FIG4: variants seen among roughly 807,000 people sequenced by gnomAD.
FIG4 encodes the protein FIG4 phosphoinositide 5-phosphatase.
FIG4 carries 112 observed loss-of-function variants against 118.6 expected under a neutral mutation model. The ratio of observed to expected loss-of-function variants is 0.94; its 90% CI spans 0.81 to 1.11. FIG4 has a LOEUF of 1.11. Among genes scored for constraint, FIG4 ranks in the 50% least tolerant of loss-of-function variants. The pLI is 0.00. For synonymous variants in FIG4, 369 were observed against 381.2 expected (o/e 0.97, Z 0.37); for missense variants, 969 against 1,111.7 (o/e 0.87, Z 1.83).
intron 22 of FIG4, among the ~76,000 whole-genome samples, chr6:109,816,458 G>A (rs549271493): frequency 1.3e-5 from 2 of 152,308 alleles, no homozygotes; most frequent in African/African-American, 4.8e-5. Flanking sequence ...ATGGGATCCT[G>A]GGACAGTAAA....
At chr6:109,817,784 C>T (rs939781192) in intron 22 of FIG4, among the ~76,000 whole-genome samples, 5 of 152,164 alleles carry the variant, frequency 3.3e-5, no homozygotes, top group East Asian at 1.9e-4. Flanking sequence ...GGTCTCCTGG[C>T]GGCCTGGGAG....
chr6:109,795,741 A>G (rs1778268452), intron 21 of FIG4, among the ~76,000 whole-genome samples: 2 of 151,664 alleles, frequency 1.3e-5, no homozygotes, highest in African/African-American at 4.8e-5. Context: ...AGCTCGGACT[A>G]CAGGTGCATG....
chr6:109,716,216 G>A (rs1775426151), intron 2 of FIG4, among the ~76,000 whole-genome samples: 1 of 152,092 alleles, frequency 6.6e-6, no homozygotes, highest in Non-Finnish European at 1.5e-5. Context: ...TAGAGTATAA[G>A]GTTTGGACAT....
chr6:109,788,052 G>A (rs1281850549), intron 18 of FIG4, among the ~76,000 whole-genome samples: 1 of 152,102 alleles, frequency 6.6e-6, no homozygotes, highest in South Asian at 2.1e-4. Context: ...AACAGGCTTT[G>A]TGTTAGATGA....
At position 109,701,348 on chromosome 6, in the gene FIG4, C is replaced by G. The variant is rs3799843; in HGVS notation, c.66+9847C>G. 9.2e-5 allele frequency among the ~76,000 whole-genome samples: 14 copies of G among 152,318 alleles called. No individual in the cohort carries two copies. In the East Asian group the frequency reaches 1.9e-3, roughly 21 times the overall value. On this transcript the variant is annotated intron_variant, in intron 1 of 22. Coordinates refer to ENST00000230124, the MANE Select transcript of FIG4 (RefSeq NM_014845.6). ...CTAACAGTCATACAGCCCAGTGCAA[C>G]TAGGAGTTTCCAGCAGAGATTCAGC...
At chr6:109,698,168 T>G (rs985597171) in intron 1 of FIG4, among the ~76,000 whole-genome samples, 1 of 151,908 alleles carries the variant, frequency 6.6e-6, no homozygotes, top group South Asian at 2.1e-4. Context: ...GATTACAGGC[T>G]TGAGCCACCG....
intron 16 of FIG4, among the ~76,000 whole-genome samples, chr6:109,778,759 C>T (rs983825951): frequency 6.6e-6 from 1 of 152,026 alleles, no homozygotes; most frequent in Admixed American, 6.5e-5. Flanking sequence ...CCACCATGCC[C>T]AGCTAATTTT....
At chr6:109,696,676 T>TA (rs1195231379) in intron 1 of FIG4, among the ~76,000 whole-genome samples, 5 of 152,132 alleles carry the variant, frequency 3.3e-5, no homozygotes, top group Non-Finnish European at 7.3e-5. Flanking sequence ...ACGTGGGTGC[T>TA]AAAAAACGAT....
intron 16 of FIG4, among the ~76,000 whole-genome samples, chr6:109,784,099 A>T (rs929924333): frequency 6.6e-6 from 1 of 152,120 alleles, no homozygotes; most frequent in South Asian, 2.1e-4. Flanking sequence ...CATTTATATT[A>T]AAATCTCTTT....
intron 7 of FIG4, among the ~76,000 whole-genome samples, chr6:109,739,863 A>G (rs903795913): frequency 2.0e-5 from 3 of 152,158 alleles, no homozygotes; most frequent in Non-Finnish European, 4.4e-5. Context: ...GAGTGGTGCC[A>G]AGGGCACAGC....
At chr6:109,781,391 A>G (rs1777797799) in intron 16 of FIG4, among the ~76,000 whole-genome samples, 1 of 152,136 alleles carries the variant, frequency 6.6e-6, no homozygotes, top group African/African-American at 2.4e-5. Context: ...ATTCGGAACA[A>G]CACTCTCCTC....
intron 11 of FIG4, among the ~76,000 whole-genome samples, chr6:109,760,707 G>T (rs554160021): frequency 1.9e-4 from 29 of 152,262 alleles, no homozygotes; most frequent in Admixed American, 2.0e-4. Context: ...ACTCGTGGAT[G>T]AACCTGTGAT....
intron 18 of FIG4, among the ~76,000 whole-genome samples, chr6:109,787,543 A>G (rs1258085527): frequency 6.6e-6 from 1 of 152,232 alleles, no homozygotes. Context: ...GTTCATATAC[A>G]TATAAACCCT....
At chr6:109,771,300 C>G (rs1356808183) in intron 15 of FIG4, among the ~76,000 whole-genome samples, 3 of 152,104 alleles carry the variant, frequency 2.0e-5, no homozygotes, top group South Asian at 4.1e-4. Context: ...AACGGACTGT[C>G]CTGTGACATT....
intron 16 of FIG4, among the ~76,000 whole-genome samples, chr6:109,783,319 A>C (rs1777858908): frequency 6.6e-6 from 1 of 152,254 alleles, no homozygotes; most frequent in Admixed American, 6.5e-5. Context: ...AAATGTAAAA[A>C]TTAAAGACTG....
chr6:109,691,540 G>A, intron 1 of FIG4, 39 bp downstream of exon 1: 2 of 1,516,528 alleles, frequency 1.3e-6, no homozygotes, highest in Non-Finnish European at 1.8e-6. Context: ...GCGGGAGGAT[G>A]GATGTCTGCC....
chr6:109,736,347 C>T (rs995162862), intron 6 of FIG4, among the ~76,000 whole-genome samples: 4 of 152,174 alleles, frequency 2.6e-5, no homozygotes, highest in African/African-American at 9.7e-5. Flanking sequence ...CTGAATTTAT[C>T]CCTGGCATTC....
At chr6:109,764,937 T>G (rs1307815773) in intron 13 of FIG4, 76 bp from the exon 14 acceptor site, 4 of 1,036,100 alleles carry the variant, frequency 3.9e-6, no homozygotes, top group Non-Finnish European at 5.7e-6. Context: ...TTTTGTTTCT[T>G]AAAGAAATCT....
chr6:109,743,904 C>T, intron 10 of FIG4, 132 bp downstream of exon 10: 1 of 750,750 alleles, frequency 1.3e-6, no homozygotes, highest in Non-Finnish European at 2.4e-6. Flanking sequence ...TATGCTGGGA[C>T]AGCTCACTGT....
Sources: gnomAD v4.1 joint callset for allele counts (sites outside exome capture counted in the v4.1 genomes callset) on GRCh38, gnomAD v4.1.1 for gene constraint, MANE v1.5 for transcripts, NCBI Gene and HGNC (gene_info 2026-07-23, HGNC 2026-07-21) for gene names.